C17orf75: variants seen among roughly 807,000 people sequenced by gnomAD.
C17orf75 encodes the protein protein Njmu-R1.
In C17orf75, 32 loss-of-function variants were observed where a neutral mutation model predicts 49.6. That is an observed-to-expected ratio of 0.65 (90% CI 0.49 to 0.87). The LOEUF is 0.87. Among genes scored for constraint, C17orf75 ranks in the 40% least tolerant of loss-of-function variants. The pLI, the probability that C17orf75 is intolerant of heterozygous loss-of-function variation, is 0.00. For synonymous variants in C17orf75, 158 were observed against 159.5 expected, an observed-to-expected ratio of 0.99 and a Z score of 0.07; for missense variants, 428 against 473.9, an observed-to-expected ratio of 0.90 and a Z score of 0.90.
At position 32,334,512 on chromosome 17, in the gene C17orf75, C is replaced by T. The variant is rs565301058; in HGVS notation, c.828G>A (p.Val276=). ...GCTGGGAGCTGCTGCAATCGATGAC[C>T]ACAGACTTATGCTGCTCCTCTGTCA... The part of the protein sequence containing the change: ...MAMTEEQHKS[V]VIDCSSSQPQ... Residue 276 remains valine (V), a synonymous_variant, in exon 8 of 10, where the codon GTG becomes GTA. Transcript: ENST00000577809. 8 of 1,612,504 alleles carry T rather than the reference C, an allele frequency of 5.0e-6. No homozygotes were observed. Among genetic ancestry groups the T allele is most frequent in the Non-Finnish European group, 6.8e-6 (8 of 1,179,380 alleles).
intron 1 of C17orf75, 121 bp from the exon 2 acceptor site, chr17:32,341,405 C>T: frequency 4.4e-6 from 4 of 917,080 alleles, no homozygotes; most frequent in Non-Finnish European, 7.0e-6. Context: ...TGGAAGTGCA[C>T]TGCCTATCCT....
upstream of C17orf75, chr17:32,344,073 A>G (rs1420152276): frequency 6.8e-6 from 4 of 589,326 alleles, no homozygotes; most frequent in East Asian, 2.9e-5. Context: ...GCACAGGTCC[A>G]TATCAAGGAA....
At chr17:32,342,946 A>G (rs2041395099), upstream of C17orf75, among the ~76,000 whole-genome samples, 1 of 152,226 alleles carries the variant, frequency 6.6e-6, no homozygotes, top group South Asian at 2.1e-4. Flanking sequence ...TTATGATGCT[A>G]TAAAAGGATA....
At chr17:32,338,862 G>A (rs917916442) in intron 3 of C17orf75, among the ~76,000 whole-genome samples, 1 of 152,042 alleles carries the variant, frequency 6.6e-6, no homozygotes, top group African/African-American at 2.4e-5. Flanking sequence ...AGGCCAAGGC[G>A]GGTGAATCAC....
intron 1 of C17orf75, among the ~76,000 whole-genome samples, chr17:32,347,977 G>A (rs971956467): frequency 6.6e-6 from 1 of 151,778 alleles, no homozygotes; most frequent in African/African-American, 2.4e-5. Flanking sequence ...CCCAAAGCAC[G>A]GCAATTACAG....
chr17:32,331,152 G>GATA lies in C17orf75; in HGVS notation c.*608_*610dup, dbSNP rs1159118995. Reference sequence around the variant, plus strand: ...CTTGAGCCACTGCGCCCAGCTCAAAGATAATATTTTATCTTGAAGCTAGTG... The same window carrying GATA: ...CTTGAGCCACTGCGCCCAGCTCAAAGATAATAATATTTTATCTTGAAGCTAGTG... On this transcript the variant is annotated 3_prime_UTR_variant, in exon 10 of 10. Transcript: ENST00000577809. 6.6e-6 allele frequency: 1 copy of GATA among 152,440 alleles called. No individual in the cohort carries two copies. Among genetic ancestry groups the GATA allele is most frequent in the African/African-American group, 2.4e-5 (1 of 41,416 alleles). 9.4% of individuals were successfully genotyped at this position (152,440 alleles called of 1,614,324 possible).
chr17:32,335,214 T>C (rs1298884664), intron 6 of C17orf75, 109 bp downstream of exon 6: 3 of 1,326,836 alleles, frequency 2.3e-6, no homozygotes, highest in East Asian at 2.3e-5. Flanking sequence ...CAAGCATAGT[T>C]TGAATATTTG....
chr17:32,331,983 A>G lies in C17orf75; in HGVS notation c.976-5T>C, dbSNP rs746827823. The G allele has an allele frequency of 3.7e-6, 6 of 1,603,802 alleles. No homozygotes were observed. In the East Asian group the frequency reaches 1.3e-4, roughly 36 times the overall value. On this transcript the variant is annotated splice_region_variant and splice_polypyrimidine_tract_variant and intron_variant, in intron 9 of 9. Transcript: ENST00000577809. The stretch of plus-strand genomic sequence containing the variant: ...ATTGTTTGTGTCTTGTATGGCCTAG[A>G]AAATGATTACCCAGTTAAAAATGTG...
chr17:32,333,357 T>G, intron 9 of C17orf75, 60 bp downstream of exon 9: 1 of 1,173,856 alleles, frequency 8.5e-7, no homozygotes, highest in Non-Finnish European at 1.3e-6. Flanking sequence ...CTGTCACTGG[T>G]ACTAATTAAA....
upstream of C17orf75, among the ~76,000 whole-genome samples, chr17:32,345,479 G>C (rs2150781193): frequency 6.6e-6 from 1 of 151,818 alleles, no homozygotes; most frequent in East Asian, 1.9e-4. Context: ...CCATCTCAGG[G>C]GGGAAAAAAG....
chr17:32,333,504 A>C lies in C17orf75; in HGVS notation c.888T>G (p.Cys296Trp). Residue 296 changes from cysteine (C) to tryptophan (W), a missense_variant, in exon 9 of 10, where the codon TGT becomes TGG. Coordinates refer to ENST00000577809, the MANE Select transcript of C17orf75 (RefSeq NM_022344.4). ...TTAAAAAAGCTTGCATCCAATCCTC[A>C]CAAAACCGGTTACTTCCTATAAAAC... ...QFCNAGSNRF[C>W]EDWMQAFLNG... 1 of 1,612,270 alleles carries C rather than the reference A, an allele frequency of 6.2e-7. No homozygotes were observed. The highest frequency in any genetic ancestry group is 1.1e-5 in the South Asian group (1 of 90,566).
upstream of C17orf75, among the ~76,000 whole-genome samples, chr17:32,343,071 G>C (rs542075128): frequency 6.6e-6 from 1 of 152,100 alleles, no homozygotes; most frequent in African/African-American, 2.4e-5. Context: ...AAACCATAGC[G>C]CCACGTGAAG....
At chr17:32,341,680 C>T in intron 1 of C17orf75, 1 of 471,780 alleles carries the variant, frequency 2.1e-6, no homozygotes, top group South Asian at 6.1e-5. Flanking sequence ...GGAGAGGGGA[C>T]GGGAACTGAA....
intron 1 of C17orf75, among the ~76,000 whole-genome samples, chr17:32,348,889 G>C (rs901692644): frequency 1.2e-4 from 3 of 25,618 alleles, no homozygotes; most frequent in African/African-American, 8.0e-4. Flanking sequence ...TTTTTGAGAC[G>C]GAGTCTCACT....
chr17:32,340,493 A>T (rs2041367892), intron 2 of C17orf75, among the ~76,000 whole-genome samples: 1 of 151,826 alleles, frequency 6.6e-6, no homozygotes, highest in African/African-American at 2.4e-5. Context: ...AAATACAAAA[A>T]AATTAGCCGG....
At chr17:32,344,187 C>T, upstream of C17orf75, 4 of 481,196 alleles carry the variant, frequency 8.3e-6, no homozygotes, top group South Asian at 2.3e-5. Flanking sequence ...TTTATAGAGA[C>T]AGTGTATCAC....
intron 2 of C17orf75, 90 bp downstream of exon 2, chr17:32,341,114 A>G: frequency 2.2e-6 from 3 of 1,347,556 alleles, no homozygotes; most frequent in South Asian, 2.4e-5. Flanking sequence ...GGGAAAGCTC[A>G]GTGGAAATAG....
At chr17:32,342,595 A>T (rs2041392346), upstream of C17orf75, among the ~76,000 whole-genome samples, 1 of 152,252 alleles carries the variant, frequency 6.6e-6, no homozygotes, top group African/African-American at 2.4e-5. Flanking sequence ...CAAACATAAC[A>T]AAACACTTAG....
intron 9 of C17orf75, 79 bp downstream of exon 9, chr17:32,333,338 T>C: frequency 1.0e-6 from 1 of 971,680 alleles, no homozygotes; most frequent in Non-Finnish European, 1.6e-6. Context: ...TATAAAGCAA[T>C]TTGTTACTCT....
Sources: gnomAD v4.1 joint callset for allele counts (sites outside exome capture counted in the v4.1 genomes callset) on GRCh38, gnomAD v4.1.1 for gene constraint, MANE v1.5 for transcripts, NCBI Gene and HGNC (gene_info 2026-07-23, HGNC 2026-07-21) for gene names.